The following WDR47 variants were observed in gnomAD, a reference collection of about 807,000 sequenced individuals.
The protein encoded by WDR47 is WD repeat domain 47, also known as WD repeat-containing protein 47.
Under a neutral mutation model 97.2 loss-of-function variants are expected in WDR47, and 32 were observed. That is an observed-to-expected ratio of 0.33 (90% CI 0.25 to 0.44). The LOEUF is 0.44. Among genes scored for constraint, WDR47 ranks in the 20% least tolerant of loss-of-function variants. The probability of loss-of-function intolerance (pLI) is 1.00; values close to 1 mark genes in which losing one functional copy is unlikely to be tolerated. For missense variants in WDR47, 782 were observed against 1,102.3 expected (o/e 0.71, Z 4.11); for synonymous variants, 375 against 373.5 (o/e 1.00, Z -0.05).
At position 109,011,513 on chromosome 1, in the gene WDR47, G is replaced by T; in HGVS notation, c.533C>A (p.Ala178Asp). ...ACVMVAEFIPADRKLSEAGFK... is the reference protein window; with the variant it reads ...ACVMVAEFIPDDRKLSEAGFK... ...ACCAGCTTCACTTAGCTTCCTATCA[G>T]CAGGGATGAATTCTGCAACCATGAC... The change falls in exon 5 of 15, where the codon GCT becomes GAT. Residue 178 changes from alanine to aspartate, a missense_variant. By Grantham distance (126) the Ala-to-Asp change is moderately radical (BLOSUM62 -2). This residue lies in a region of WDR47 where 428 missense variants were observed against 584.3 expected (regional missense o/e 0.73). Coordinates refer to ENST00000369962, the MANE Select transcript of WDR47 (RefSeq NM_001142551.2). 6.2e-7 allele frequency: 1 copy of T among 1,614,144 alleles called. No homozygotes were observed. Among genetic ancestry groups the T allele is most frequent in the Non-Finnish European group, 8.5e-7 (1 of 1,180,030 alleles).
intron 1 of WDR47, among the ~76,000 whole-genome samples, chr1:109,040,907 CAG>C (rs1663308913): frequency 2.0e-5 from 3 of 151,962 alleles, no homozygotes; most frequent in South Asian, 4.1e-4. Context: ...AGGCATTCTA[CAG>C]AGTCTCCAAC....
intron 1 of WDR47, among the ~76,000 whole-genome samples, chr1:109,035,492 T>C (rs1662881824): frequency 6.6e-6 from 1 of 151,760 alleles, no homozygotes; most frequent in African/African-American, 2.4e-5. Flanking sequence ...ATGAATACAA[T>C]TTTTAAATTT....
At chr1:109,017,417 A>T in intron 3 of WDR47, 101 bp downstream of exon 3, 2 of 937,076 alleles carry the variant, frequency 2.1e-6, no homozygotes, top group South Asian at 2.8e-5. Context: ...TCTCTGTTCA[A>T]GGCCAGTGGA....
intron 1 of WDR47, among the ~76,000 whole-genome samples, chr1:109,036,660 C>T (rs954244963): frequency 6.6e-6 from 1 of 151,714 alleles, no homozygotes; most frequent in Non-Finnish European, 1.5e-5. Flanking sequence ...CACGGTGAAA[C>T]CCCGTCTCTA....
intron 13 of WDR47, among the ~76,000 whole-genome samples, chr1:108,977,022 T>C (rs1193767489): frequency 2.0e-5 from 3 of 152,168 alleles, no homozygotes; most frequent in Admixed American, 6.5e-5. Context: ...GCTACGTGGA[T>C]TGCAGACTAA....
At chr1:108,977,550 C>G (rs1480828100) in intron 13 of WDR47, among the ~76,000 whole-genome samples, 1 of 152,170 alleles carries the variant, frequency 6.6e-6, no homozygotes, top group Non-Finnish European at 1.5e-5. Flanking sequence ...TACTGTTTCT[C>G]TACTAAGAAC....
chr1:109,026,619 G>C (rs1365280557), intron 1 of WDR47, among the ~76,000 whole-genome samples: 1 of 152,016 alleles, frequency 6.6e-6, no homozygotes, highest in Non-Finnish European at 1.5e-5. Flanking sequence ...TCCCTCCTCT[G>C]TAGGTTCTTA....
chr1:109,024,748 A>G (rs71655979), intron 1 of WDR47: 16,260 of 152,444 alleles, frequency 0.11, 1,008 homozygotes, highest in African/African-American at 0.16. Context: ...AGTAGCCACA[A>G]AGAAACTTCA....
chr1:109,001,190 G>A (rs1660157804), intron 7 of WDR47, among the ~76,000 whole-genome samples: 1 of 152,120 alleles, frequency 6.6e-6, no homozygotes, highest in East Asian at 1.9e-4. Context: ...TCGGGAAGCT[G>A]AGGCAGGAGA....
At chr1:109,020,978 C>G (rs1557955109) in intron 2 of WDR47, among the ~76,000 whole-genome samples, 1 of 151,714 alleles carries the variant, frequency 6.6e-6, no homozygotes, top group Non-Finnish European at 1.5e-5. Flanking sequence ...CCTCTGCCTC[C>G]TGGGAGGAAC....
At chr1:108,978,305 C>T (rs1432811699) in intron 13 of WDR47, among the ~76,000 whole-genome samples, 1 of 151,826 alleles carries the variant, frequency 6.6e-6, no homozygotes, top group East Asian at 1.9e-4. Flanking sequence ...GAAACCCCGT[C>T]TCTACTAAAA....
chr1:109,026,561 A>C (rs974795290), intron 1 of WDR47, among the ~76,000 whole-genome samples: 1 of 152,154 alleles, frequency 6.6e-6, no homozygotes, highest in Non-Finnish European at 1.5e-5. Context: ...GGTAATTCTT[A>C]CTAGCAAAAA....
intron 8 of WDR47, chr1:108,992,392 G>C (rs926691480): frequency 5.7e-6 from 9 of 1,574,052 alleles, no homozygotes; most frequent in Admixed American, 1.7e-5. Flanking sequence ...AGGCCATCAA[G>C]GGTATGCATA....
chr1:108,993,874 T>A (rs1344608331), intron 8 of WDR47, among the ~76,000 whole-genome samples: 2 of 152,142 alleles, frequency 1.3e-5, no homozygotes, highest in Non-Finnish European at 1.5e-5. Context: ...TTGAGGCAAT[T>A]ACTGTCTCCA....
chr1:108,981,134 A>AG (rs1235310884), intron 13 of WDR47, among the ~76,000 whole-genome samples: 1 of 152,104 alleles, frequency 6.6e-6, no homozygotes, highest in Non-Finnish European at 1.5e-5. Flanking sequence ...TCTCAAAAAA[A>AG]AAAAAAACCA....
chr1:108,978,070 AGCT>A (rs972413182), intron 13 of WDR47, among the ~76,000 whole-genome samples: 13 of 151,984 alleles, frequency 8.6e-5, no homozygotes, highest in Admixed American at 6.6e-4. Context: ...AACAGTTCCA[AGCT>A]GTATATACTG....
intron 7 of WDR47, among the ~76,000 whole-genome samples, chr1:108,997,629 G>A (rs337295): frequency 0.46 from 69,467 of 150,510 alleles, 16,140 homozygotes; most frequent in Admixed American, 0.51. Flanking sequence ...GCGTGGTGGT[G>A]GGCGCCTGTA....
chr1:109,027,308 A>G (rs541796017), intron 1 of WDR47, among the ~76,000 whole-genome samples: 19 of 152,122 alleles, frequency 1.2e-4, no homozygotes, highest in African/African-American at 4.6e-4. Flanking sequence ...CGCCCACCTC[A>G]GCCTCCCAAA....
Position 109,013,830 on chromosome 1 carries a change from A to G in WDR47, c.327+11T>C, listed in dbSNP as rs1474077037. The G allele has an allele frequency of 2.5e-6, 4 of 1,612,614 alleles. No individual in the cohort carries two copies. Among genetic ancestry groups the G allele is most frequent in the Non-Finnish European group, 2.5e-6 (3 of 1,179,618 alleles). On this transcript the variant is annotated intron_variant, in intron 4 of 14. Coordinates refer to ENST00000369962, the MANE Select transcript of WDR47 (RefSeq NM_001142551.2). ...GACTAGGGCGCAAACCTTCAGGAAT[A>G]AAAATCTTACATGCTGGGGCTCATC... is the stretch of plus-strand genomic sequence containing the variant.
Sources: gnomAD v4.1 joint callset for allele counts (sites outside exome capture counted in the v4.1 genomes callset) on GRCh38, gnomAD v4.1.1 for gene constraint, gnomAD v4.1.1 regional missense constraint, MANE v1.5 for transcripts, NCBI Gene and HGNC (gene_info 2026-07-23, HGNC 2026-07-21) for gene names.